Variants in CPXM2 observed in about 807,000 individuals in gnomAD.
The protein encoded by CPXM2 is carboxypeptidase X, M14 family member 2, also known as inactive carboxypeptidase-like protein X2.
In CPXM2, 66 loss-of-function variants were observed where a neutral mutation model predicts 86.1. The observed-to-expected ratio is 0.77, with a 90% CI of 0.63 to 0.94. The LOEUF (loss-of-function observed/expected upper bound fraction) is 0.94. Among genes scored for constraint, CPXM2 ranks in the 40% least tolerant of loss-of-function variants. CPXM2 has a pLI of 0.00. For missense variants in CPXM2, 948 were observed against 1,026.3 expected (o/e 0.92, Z 1.04); for synonymous variants, 388 against 400.2 (o/e 0.97, Z 0.36).
chr10:123,915,487 G>A (rs978196317), intron 2 of CPXM2, among the ~76,000 whole-genome samples: 4 of 152,202 alleles, frequency 2.6e-5, no homozygotes, highest in African/African-American at 9.7e-5. Context: ...GAACCTGGGA[G>A]GTGGAGGTTG....
intron 2 of CPXM2, among the ~76,000 whole-genome samples, chr10:123,874,897 G>A (rs1944955325): frequency 6.6e-6 from 1 of 152,186 alleles, no homozygotes; most frequent in Admixed American, 6.5e-5. Context: ...TGCCACCTAT[G>A]GGTGCTACCG....
chr10:123,761,077 G>A (rs1846324427), intron 11 of CPXM2, among the ~76,000 whole-genome samples: 1 of 152,208 alleles, frequency 6.6e-6, no homozygotes, highest in East Asian at 1.9e-4. Flanking sequence ...CCCTGAGACA[G>A]GAAACAAAGT....
intron 2 of CPXM2, among the ~76,000 whole-genome samples, chr10:123,922,992 G>A (rs1468155733): frequency 6.6e-6 from 1 of 152,186 alleles, no homozygotes; most frequent in Non-Finnish European, 1.5e-5. Flanking sequence ...GTCCCATGCA[G>A]TCTCCACCCT....
chr10:123,781,299 C>A (rs897242227), intron 6 of CPXM2, among the ~76,000 whole-genome samples: 17 of 152,292 alleles, frequency 1.1e-4, no homozygotes, highest in African/African-American at 2.6e-4. Flanking sequence ...AAATTGACTC[C>A]CTCTCTGCAT....
At chr10:123,799,049 G>T in intron 5 of CPXM2, 66 bp downstream of exon 5, 1 of 1,549,756 alleles carries the variant, frequency 6.5e-7, no homozygotes, top group Non-Finnish European at 8.9e-7. Context: ...ATCATACATT[G>T]CCTCTCTTTG....
At chr10:123,778,915 T>C (rs1286131573) in intron 7 of CPXM2, among the ~76,000 whole-genome samples, 1 of 152,210 alleles carries the variant, frequency 6.6e-6, no homozygotes, top group African/African-American at 2.4e-5. Flanking sequence ...TCTTAGCACA[T>C]CCCACCTCTA....
chr10:123,872,027 G>C (rs1363512258), intron 2 of CPXM2, among the ~76,000 whole-genome samples: 1 of 152,086 alleles, frequency 6.6e-6, no homozygotes, highest in African/African-American at 2.4e-5. Flanking sequence ...CCACCAATAG[G>C]AAGAAAATAA....
At chr10:123,862,760 A>G (rs759656021) in intron 2 of CPXM2, 37 bp from the exon 3 acceptor site, 9 of 1,541,484 alleles carry the variant, frequency 5.8e-6, no homozygotes, top group African/African-American at 1.4e-5. Flanking sequence ...ACAACGACAG[A>G]TGCTGAAAGG....
intron 2 of CPXM2, among the ~76,000 whole-genome samples, chr10:123,914,463 C>T (rs550148982): frequency 1.3e-5 from 2 of 152,242 alleles, no homozygotes; most frequent in East Asian, 3.9e-4. Flanking sequence ...AGAGAAGTCC[C>T]GTGTTCCAGG....
chr10:123,935,956 G>T (rs865972621), intron 2 of CPXM2, among the ~76,000 whole-genome samples: 1,628 of 147,760 alleles, frequency 0.011, 47 homozygotes, highest in African/African-American at 0.04. Context: ...ATCATCACCA[G>T]CATCTTTACC....
At chr10:123,851,952 G>A (rs1486727998) in intron 3 of CPXM2, among the ~76,000 whole-genome samples, 1 of 152,064 alleles carries the variant, frequency 6.6e-6, no homozygotes, top group African/African-American at 2.4e-5. Context: ...GTACCAGGGA[G>A]GCAGAGACTG....
chr10:123,884,497 C>G (rs2099140494), intron 1 of CPXM2, among the ~76,000 whole-genome samples: 1 of 152,130 alleles, frequency 6.6e-6, no homozygotes, highest in African/African-American at 2.4e-5. Flanking sequence ...CTGGAAGCTC[C>G]CAGAGGAAAT....
At chr10:123,936,765 C>T (rs536720341) in intron 2 of CPXM2, among the ~76,000 whole-genome samples, 2 of 152,326 alleles carry the variant, frequency 1.3e-5, no homozygotes, top group South Asian at 4.1e-4. Flanking sequence ...CCCCATACTC[C>T]CACCTCCAGT....
At chr10:123,899,550 C>T (rs1945364909) in intron 2 of CPXM2, among the ~76,000 whole-genome samples, 2 of 152,218 alleles carry the variant, frequency 1.3e-5, no homozygotes, top group South Asian at 4.1e-4. Flanking sequence ...GGCATGGTGG[C>T]TCATGCCTCT....
chr10:123,891,421 T>C lies in CPXM2; in HGVS notation c.239A>G (p.Lys80Arg). 2 of 1,560,926 alleles carry C rather than the reference T, an allele frequency of 1.3e-6. No individual in the cohort carries two copies. Among genetic ancestry groups the C allele is most frequent in the South Asian group, 2.4e-5 (2 of 84,868 alleles). Residue 80 changes from lysine to arginine, a missense_variant, in exon 1 of 14, where the codon AAG becomes AGG. Transcript: ENST00000241305. The surrounding 1 kb of genome is among the most constrained non-coding windows in gnomAD (Gnocchi z 5.6). ...AGCTTTCTTGGGCTTGGTGGCCCTC[T>C]TGGGCGGCCTGGGCTCCTGCGGGCG... ...ERRPQEPRPP[K>R]RATKPKKAPK...
chr10:123,821,847 A>T (rs1340047580), intron 4 of CPXM2, among the ~76,000 whole-genome samples: 5 of 152,220 alleles, frequency 3.3e-5, no homozygotes, highest in Non-Finnish European at 7.3e-5. Flanking sequence ...AACCCATTCT[A>T]AACAATTCAA....
intron 2 of CPXM2, among the ~76,000 whole-genome samples, chr10:123,925,119 A>ATG (rs1945612812): frequency 6.9e-6 from 1 of 145,610 alleles, no homozygotes; most frequent in African/African-American, 2.5e-5. Context: ...ATTTATTTAT[A>ATG]TATATTCACA....
intron 4 of CPXM2, 28 bp downstream of exon 4, chr10:123,842,321 C>G (rs1590057107): frequency 3.1e-6 from 5 of 1,613,396 alleles, no homozygotes; most frequent in East Asian, 4.5e-5. Context: ...AAACAGGGTC[C>G]AGAAAGCATA....
intron 4 of CPXM2, among the ~76,000 whole-genome samples, chr10:123,800,168 T>C (rs1464769366): frequency 3.9e-5 from 6 of 151,968 alleles, no homozygotes; most frequent in Non-Finnish European, 8.8e-5. Flanking sequence ...TACTGCCCAG[T>C]AGAGTTTATT....
Sources: gnomAD v4.1 joint callset for allele counts (sites outside exome capture counted in the v4.1 genomes callset) on GRCh38, gnomAD v4.1.1 for gene constraint, Gnocchi (gnomAD v3.1) non-coding constraint, MANE v1.5 for transcripts, NCBI Gene and HGNC (gene_info 2026-07-23, HGNC 2026-07-21) for gene names.